Variants in CEP112 observed in about 807,000 individuals in gnomAD.
The protein encoded by CEP112 is centrosomal protein of 112 kDa.
Under a neutral mutation model 153.0 loss-of-function variants are expected in CEP112, and 127 were observed. That is an observed-to-expected ratio of 0.83 (90% CI 0.72 to 0.96). The LOEUF (loss-of-function observed/expected upper bound fraction) is 0.96, where lower values mean the gene tolerates loss of function less well. Ranked by LOEUF, CEP112 falls within the 40% of genes least tolerant of loss-of-function variation. The probability of loss-of-function intolerance (pLI) is 0.00; values close to 1 mark genes in which losing one functional copy is unlikely to be tolerated. For synonymous variants in CEP112, 358 were observed against 374.4 expected, an observed-to-expected ratio of 0.96 and a Z score of 0.51; for missense variants, 1,089 against 1,101.2, an observed-to-expected ratio of 0.99 and a Z score of 0.16.
chr17:66,134,640 C>T (rs770406918), intron 4 of CEP112, among the ~76,000 whole-genome samples: 1 of 152,074 alleles, frequency 6.6e-6, no homozygotes, highest in Non-Finnish European at 1.5e-5. Flanking sequence ...GAGTTTGAGA[C>T]CAGCCTGGGC....
chr17:65,715,103 A>G (rs1458534247), intron 23 of CEP112, among the ~76,000 whole-genome samples: 2 of 152,216 alleles, frequency 1.3e-5, no homozygotes, highest in South Asian at 2.1e-4. Flanking sequence ...CAGAGCCAGG[A>G]AACAACTCAT....
At chr17:65,748,573 G>A (rs981059555) in intron 22 of CEP112, among the ~76,000 whole-genome samples, 4 of 151,970 alleles carry the variant, frequency 2.6e-5, no homozygotes, top group East Asian at 1.9e-4. Context: ...ATTCACATTC[G>A]TTAAGTGCTT....
chr17:66,116,145 T>C (rs1322875581), intron 6 of CEP112, among the ~76,000 whole-genome samples: 1 of 152,188 alleles, frequency 6.6e-6, no homozygotes, highest in Non-Finnish European at 1.5e-5. Flanking sequence ...TTACCAACTT[T>C]TCCTTGAAAT....
intron 23 of CEP112, among the ~76,000 whole-genome samples, chr17:65,719,853 C>T (rs111367318): frequency 0.018 from 2,724 of 152,232 alleles, 82 homozygotes; most frequent in African/African-American, 0.062. Flanking sequence ...GCCTTGCGAG[C>T]GCATCTGGGC....
At chr17:65,938,017 C>T (rs1384769535) in intron 18 of CEP112, among the ~76,000 whole-genome samples, 1 of 118,706 alleles carries the variant, frequency 8.4e-6, no homozygotes, top group Non-Finnish European at 1.8e-5. Context: ...CGGATGGTTG[C>T]CGTGTCTGTG....
At chr17:65,914,128 A>C (rs1257353625) in intron 19 of CEP112, among the ~76,000 whole-genome samples, 1 of 151,986 alleles carries the variant, frequency 6.6e-6, no homozygotes, top group Non-Finnish European at 1.5e-5. Context: ...TAATTAACTA[A>C]ATTAATGAAC....
At chr17:65,818,924 A>G (rs957335295) in intron 21 of CEP112, among the ~76,000 whole-genome samples, 3 of 151,918 alleles carry the variant, frequency 2.0e-5, no homozygotes, top group Admixed American at 2.0e-4. Flanking sequence ...AATAATACCT[A>G]TTACACCTCC....
In CEP112 at chr17:65,802,657, C is replaced by A. The variant is rs148867568; in HGVS notation, c.2394+49147G>T. On this transcript the variant is annotated intron_variant, in intron 21 of 26. Transcript: ENST00000535342. ...TCATTATCTTATCACATTATACATA[C>A]CCCATGGAAAGCATTTATTTACATG... is the stretch of plus-strand genomic sequence containing the variant. 5.7e-3 allele frequency among the ~76,000 whole-genome samples: 866 copies of A among 152,254 alleles called. 5 individuals carry two copies. The highest frequency in any genetic ancestry group is 0.02 in the African/African-American group (833 of 41,544).
At chr17:66,063,513 G>A (rs904395932) in intron 10 of CEP112, among the ~76,000 whole-genome samples, 3 of 151,994 alleles carry the variant, frequency 2.0e-5, no homozygotes, top group East Asian at 1.9e-4. Flanking sequence ...GGTGGAAAAG[G>A]GGGTGTGGGC....
intron 16 of CEP112, among the ~76,000 whole-genome samples, chr17:66,017,053 A>C (rs981987332): frequency 6.6e-6 from 1 of 152,234 alleles, no homozygotes; most frequent in Non-Finnish European, 1.5e-5. Context: ...TTAGGAACAT[A>C]ATAAATGATC....
intron 4 of CEP112, among the ~76,000 whole-genome samples, chr17:66,134,839 A>T (rs1383760292): frequency 6.6e-6 from 1 of 152,140 alleles, no homozygotes. Context: ...ACGAACAAAC[A>T]AAAACCATTT....
chr17:66,111,307 A>G (rs1266901001), intron 6 of CEP112, among the ~76,000 whole-genome samples: 2 of 152,228 alleles, frequency 1.3e-5, no homozygotes, highest in Non-Finnish European at 2.9e-5. Flanking sequence ...GCCATTGCTC[A>G]AACAGCTAAA....
chr17:65,768,276 G>A lies in CEP112; in HGVS notation c.2395-17552C>T, dbSNP rs140293672. 5.9e-3 allele frequency among the ~76,000 whole-genome samples: 903 copies of A among 152,160 alleles called. 7 individuals carry two copies. The highest frequency in any genetic ancestry group is 8.4e-3 in the Non-Finnish European group (570 of 67,986). ...AGAAAATATATTTAATATTCATTAA[G>A]TGGGAAGTGGATCATCCTAAAGGTC... is the stretch of plus-strand genomic sequence containing the variant. On this transcript the variant is annotated intron_variant, in intron 21 of 26. Transcript: ENST00000535342.
rs77797765 is a variant in CEP112 at position 66,085,027 on chromosome 17, A to G, written c.768+11224T>C. ...CTACACTAAAAAGTAGCACAAATCAAAAGATATTCACAGAGAAAAATATTT... is the reference window on the plus strand; with the variant it reads ...CTACACTAAAAAGTAGCACAAATCAGAAGATATTCACAGAGAAAAATATTT... On this transcript the variant is annotated intron_variant, in intron 8 of 26. Coordinates refer to ENST00000535342, the MANE Select transcript of CEP112 (RefSeq NM_001199165.4). 1.9e-4 allele frequency among the ~76,000 whole-genome samples: 29 copies of G among 152,322 alleles called. No individual in the cohort carries two copies. The East Asian group carries it at 5.6e-3, about 29-fold the overall frequency.
chr17:65,937,631 C>A (rs1370056546), intron 18 of CEP112, among the ~76,000 whole-genome samples: 1 of 99,852 alleles, frequency 1.0e-5, no homozygotes, highest in African/African-American at 3.4e-5. Flanking sequence ...GGGTCAGCCC[C>A]CCGCCCGGCC....
chr17:65,935,349 C>G (rs917457893), intron 18 of CEP112, among the ~76,000 whole-genome samples: 3 of 152,194 alleles, frequency 2.0e-5, no homozygotes, highest in Non-Finnish European at 2.9e-5. Context: ...ACACTCTCAA[C>G]AGTAGACAGA....
At chr17:65,895,761 A>C (rs1297160473) in intron 20 of CEP112, among the ~76,000 whole-genome samples, 2 of 152,204 alleles carry the variant, frequency 1.3e-5, no homozygotes, top group East Asian at 3.9e-4. Context: ...CTGTAAATGG[A>C]ATACAGTTGG....
At chr17:65,855,463 G>C (rs2058091893) in intron 20 of CEP112, among the ~76,000 whole-genome samples, 1 of 152,162 alleles carries the variant, frequency 6.6e-6, no homozygotes, top group African/African-American at 2.4e-5. Flanking sequence ...ACTTCCAGGA[G>C]CTTAGGTAAA....
chr17:65,925,305 T>C (rs1476957840), intron 19 of CEP112, among the ~76,000 whole-genome samples: 1 of 152,180 alleles, frequency 6.6e-6, no homozygotes. Flanking sequence ...GAACTGTGAG[T>C]CCATTAAACC....
Sources: gnomAD v4.1 joint callset for allele counts (sites outside exome capture counted in the v4.1 genomes callset) on GRCh38, gnomAD v4.1.1 for gene constraint, MANE v1.5 for transcripts, NCBI Gene and HGNC (gene_info 2026-07-23, HGNC 2026-07-21) for gene names.